Variants in LRP1B observed in about 807,000 individuals in gnomAD.
LRP1B encodes LDL receptor related protein 1B, also known as low-density lipoprotein receptor-related protein 1B.
Under a neutral mutation model 556.6 loss-of-function variants are expected in LRP1B, and 217 were observed. The observed-to-expected ratio is 0.39, with a 90% CI of 0.35 to 0.44. The LOEUF (loss-of-function observed/expected upper bound fraction) is 0.44. Among genes scored for constraint, LRP1B ranks in the 20% least tolerant of loss-of-function variants. The pLI is 1.00. For synonymous variants in LRP1B, 2,047 were observed against 1,865.8 expected (o/e 1.10, Z -2.50); for missense variants, 5,053 against 5,620.8 (o/e 0.90, Z 3.23).
intron 2 of LRP1B, among the ~76,000 whole-genome samples, chr2:141,800,620 A>G (rs1479279697): frequency 6.6e-6 from 1 of 152,184 alleles, no homozygotes; most frequent in Admixed American, 6.5e-5. Context: ...GAGATAATCC[A>G]TGTAACCTTC....
At chr2:141,416,996 C>T (rs1344674820) in intron 3 of LRP1B, among the ~76,000 whole-genome samples, 2 of 152,124 alleles carry the variant, frequency 1.3e-5, no homozygotes, top group Non-Finnish European at 2.9e-5. Context: ...ATCATTCTAA[C>T]TTTTTTTACA....
chr2:141,779,404 T>G (rs951909781), intron 2 of LRP1B, among the ~76,000 whole-genome samples: 3 of 150,868 alleles, frequency 2.0e-5, no homozygotes, highest in Non-Finnish European at 2.9e-5. Flanking sequence ...TAGACAAATA[T>G]GTTCAAAATA....
intron 1 of LRP1B, among the ~76,000 whole-genome samples, chr2:142,127,009 A>T (rs1707677880): frequency 6.6e-6 from 1 of 151,948 alleles, no homozygotes; most frequent in Non-Finnish European, 1.5e-5. Flanking sequence ...AACAAGCAGC[A>T]TTTAGAAAGT....
At chr2:141,138,279 C>T (rs192059110) in intron 7 of LRP1B, among the ~76,000 whole-genome samples, 21 of 151,950 alleles carry the variant, frequency 1.4e-4, no homozygotes, top group East Asian at 9.7e-4. Context: ...AAATAGATAA[C>T]GGGATTTTAT....
At position 141,501,065 on chromosome 2, in the gene LRP1B, A is replaced by G. The variant is rs562593402; in HGVS notation, c.206-20532T>C. The stretch of plus-strand genomic sequence containing the variant: ...ATTTTCAAACAACAAAAACATATAT[A>G]TCTTGAAAAATCTTCTAAATATAAT... On this transcript the variant is annotated intron_variant, in intron 2 of 90. Transcript: ENST00000389484. Among the ~76,000 whole-genome samples, 28 of 152,280 alleles carry G rather than the reference A, an allele frequency of 1.8e-4. No homozygotes were observed. In the South Asian group the frequency reaches 5.8e-3, roughly 32 times the overall value.
At position 140,628,491 on chromosome 2, in the gene LRP1B, C is replaced by T. The variant is rs1401874905; in HGVS notation, c.6800-26852G>A. On this transcript the variant is annotated intron_variant, in intron 41 of 90. Coordinates refer to ENST00000389484, the MANE Select transcript of LRP1B (RefSeq NM_018557.3). Reference sequence around the variant, plus strand: ...GGCGGAGCTTGCAGTGAGCCTAGATCCTGCCACTGCACTCCAGCCTGGGCG... The same window carrying T: ...GGCGGAGCTTGCAGTGAGCCTAGATTCTGCCACTGCACTCCAGCCTGGGCG... 3.3e-5 allele frequency among the ~76,000 whole-genome samples: 5 copies of T among 150,396 alleles called. No homozygotes were observed. The East Asian group carries it at 9.9e-4, about 30-fold the overall frequency.
At chr2:141,997,379 G>A (rs1237353588) in intron 1 of LRP1B, among the ~76,000 whole-genome samples, 2 of 117,250 alleles carry the variant, frequency 1.7e-5, no homozygotes, top group Non-Finnish European at 3.4e-5. Context: ...TATCCAAGAT[G>A]TGTGTGTGTG....
chr2:140,709,046 T>C (rs1418460892), intron 37 of LRP1B, among the ~76,000 whole-genome samples: 3 of 152,046 alleles, frequency 2.0e-5, no homozygotes, highest in African/African-American at 7.2e-5. Flanking sequence ...CTTTTATATA[T>C]TGTTGAGCAT....
chr2:141,439,381 T>C (rs1680877008), intron 3 of LRP1B, among the ~76,000 whole-genome samples: 1 of 152,014 alleles, frequency 6.6e-6, no homozygotes, highest in Admixed American at 6.5e-5. Context: ...TACAATTATG[T>C]CAGATATCCC....
intron 23 of LRP1B, among the ~76,000 whole-genome samples, chr2:140,895,377 C>T (rs1229252886): frequency 6.6e-6 from 1 of 152,118 alleles, no homozygotes; most frequent in African/African-American, 2.4e-5. Flanking sequence ...GGAAATTTTC[C>T]CTGACCCCTT....
chr2:140,888,465 A>T (rs1693703723), intron 23 of LRP1B, among the ~76,000 whole-genome samples: 1 of 151,632 alleles, frequency 6.6e-6, no homozygotes, highest in Admixed American at 6.6e-5. Context: ...AAATATAGAT[A>T]GATGACCTAT....
chr2:141,912,091 CACA>C (rs1699920670), intron 1 of LRP1B, among the ~76,000 whole-genome samples: 2 of 152,240 alleles, frequency 1.3e-5, no homozygotes, highest in East Asian at 3.9e-4. Context: ...CTCTTATTTC[CACA>C]ACAAGTAAGA....
intron 84 of LRP1B, among the ~76,000 whole-genome samples, chr2:140,275,603 A>G (rs1187754713): frequency 2.0e-5 from 3 of 151,976 alleles, no homozygotes; most frequent in Non-Finnish European, 2.9e-5. Context: ...TGAGCAGGTG[A>G]GCAAACAACG....
At chr2:141,277,693 A>G (rs16845744) in intron 3 of LRP1B, among the ~76,000 whole-genome samples, 3,359 of 140,520 alleles carry the variant, frequency 0.024, 84 homozygotes, top group Non-Finnish European at 0.034. Flanking sequence ...GTTGGTGCAT[A>G]TATGTCAGAT....
chr2:141,772,077 A>C (rs998682422), intron 2 of LRP1B, among the ~76,000 whole-genome samples: 1 of 152,036 alleles, frequency 6.6e-6, no homozygotes, highest in Non-Finnish European at 1.5e-5. Flanking sequence ...GGGACTCCCA[A>C]AGTGCTGGGA....
chr2:140,412,014 C>G (rs987956223), intron 66 of LRP1B, among the ~76,000 whole-genome samples: 14 of 152,078 alleles, frequency 9.2e-5, no homozygotes, highest in African/African-American at 3.4e-4. Flanking sequence ...TAACCAAATT[C>G]TTAACCTCCT....
chr2:141,146,579 T>A (rs528810297), intron 7 of LRP1B, among the ~76,000 whole-genome samples: 87 of 152,332 alleles, frequency 5.7e-4, no homozygotes, highest in African/African-American at 2.0e-3. Context: ...TAGGCACATG[T>A]AGAATATCCC....
At chr2:140,960,730 TA>T (rs1696009631) in intron 18 of LRP1B, among the ~76,000 whole-genome samples, 1 of 151,926 alleles carries the variant, frequency 6.6e-6, no homozygotes, top group Non-Finnish European at 1.5e-5. Context: ...CACTCACCTC[TA>T]AAAGTAAGAT....
At chr2:140,980,707 G>T (rs1046064238) in intron 18 of LRP1B, among the ~76,000 whole-genome samples, 1 of 152,162 alleles carries the variant, frequency 6.6e-6, no homozygotes, top group Non-Finnish European at 1.5e-5. Flanking sequence ...ACTAAAAGTA[G>T]AACTACCATT....
Sources: allele counts gnomAD v4.1 joint callset (sites outside exome capture counted in the v4.1 genomes callset), GRCh38; gene constraint gnomAD v4.1.1; transcripts MANE v1.5; gene names NCBI Gene and HGNC (gene_info 2026-07-23, HGNC 2026-07-21).